RBPJ: variants seen among roughly 807,000 people sequenced by gnomAD.
RBPJ encodes the protein recombining binding protein suppressor of hairless.
Under a neutral mutation model 67.8 loss-of-function variants are expected in RBPJ, and 9 were observed. The ratio of observed to expected loss-of-function variants is 0.13; its 90% CI spans 0.08 to 0.23. RBPJ has a LOEUF of 0.23. Among genes scored for constraint, RBPJ ranks in the 10% least tolerant of loss-of-function variants. The pLI is 1.00. For missense variants in RBPJ, 305 were observed against 595.6 expected (o/e 0.51, Z 5.08); for synonymous variants, 198 against 203.3 (o/e 0.97, Z 0.22).
At chr4:26,383,231 CA>C (rs1487245105) in intron 1 of RBPJ, among the ~76,000 whole-genome samples, 1 of 151,634 alleles carries the variant, frequency 6.6e-6, no homozygotes, top group African/African-American at 2.4e-5. Flanking sequence ...TGGGCATTTC[CA>C]AAAAAGGACT....
chr4:26,176,253 AT>A (rs1332915665), intron 1 of RBPJ, among the ~76,000 whole-genome samples: 5 of 152,196 alleles, frequency 3.3e-5, no homozygotes, highest in Non-Finnish European at 1.5e-5. Context: ...TGGCTCTATT[AT>A]TCCTATTTCA....
At chr4:26,219,596 CTT>C (rs1345633999) in intron 1 of RBPJ, among the ~76,000 whole-genome samples, 3 of 152,202 alleles carry the variant, frequency 2.0e-5, no homozygotes, top group Admixed American at 6.5e-5. Flanking sequence ...AACGTGAACT[CTT>C]TGTGTAGCAA....
chr4:26,255,312 G>A (rs1720275498), intron 1 of RBPJ, among the ~76,000 whole-genome samples: 2 of 128,290 alleles, frequency 1.6e-5, no homozygotes, highest in South Asian at 2.6e-4. Flanking sequence ...GCTGAGGCAG[G>A]AGAATGGCGT....
In RBPJ at chr4:26,180,413, G is replaced by T. The variant is rs138329065; in HGVS notation, c.-167+16799G>T. Among the ~76,000 whole-genome samples, 537 of 152,022 alleles carry T rather than the reference G, an allele frequency of 3.5e-3. 9 individuals are homozygous for T. The highest frequency in any genetic ancestry group is 0.012 in the African/African-American group (512 of 41,494). ...CTGTTATAACAAAATACCATAAACT[G>T]AGTGTTTGTAAACATCAGAATCTAT... On this transcript the variant is annotated intron_variant, in intron 1 of 4. Transcript: ENST00000512351.
At position 26,376,361 on chromosome 4, in the gene RBPJ, T is replaced by C. The variant is rs28493094; in HGVS notation, c.21-9992T>C. ...AATTTGACTACTCTAGGACCTCATA[T>C]AAGTGGAATCATATAATATTTGTCC... On this transcript the variant is annotated intron_variant, in intron 1 of 10. Transcript: ENST00000355476. Among the ~76,000 whole-genome samples the C allele has an allele frequency of 1.8e-3, 278 of 152,370 alleles. 1 individual carries two copies. Among genetic ancestry groups the C allele is most frequent in the African/African-American group, 6.0e-3 (250 of 41,590 alleles).
chr4:26,428,091 AT>A (rs1735865964), intron 7 of RBPJ, among the ~76,000 whole-genome samples: 2 of 152,184 alleles, frequency 1.3e-5, no homozygotes, highest in Admixed American at 6.5e-5. Flanking sequence ...ATTTTGAGCA[AT>A]TTGTCTGACC....
At chr4:26,142,207 C>T in the RBPJ span, among the ~76,000 whole-genome samples, 5 of 152,212 alleles carry the variant, frequency 3.3e-5, no homozygotes, top group Non-Finnish European at 7.3e-5. Flanking sequence ...CTTGAATCTT[C>T]TGTTCATCTG....
At chr4:26,225,596 A>G (rs1309267906) in intron 1 of RBPJ, among the ~76,000 whole-genome samples, 1 of 152,168 alleles carries the variant, frequency 6.6e-6, no homozygotes, top group Admixed American at 6.5e-5. Flanking sequence ...GATGTAAACT[A>G]TGGACTTTAG....
At chr4:26,126,306 T>C in the RBPJ span, among the ~76,000 whole-genome samples, 1 of 151,526 alleles carries the variant, frequency 6.6e-6, no homozygotes, top group Non-Finnish European at 1.5e-5. Flanking sequence ...TCTGTTGTTT[T>C]TTGGCTTCCC....
intron 3 of RBPJ, among the ~76,000 whole-genome samples, chr4:26,407,654 G>A (rs776577021): frequency 6.6e-6 from 1 of 152,056 alleles, no homozygotes; most frequent in East Asian, 1.9e-4. Flanking sequence ...GGCTAGAAAG[G>A]TACCCAACTG....
At chr4:26,163,538 A>G (rs528204832) in exon 1 of RBPJ, 1 of 152,252 alleles carries the variant, frequency 6.6e-6, no homozygotes, top group South Asian at 2.1e-4. Context: ...ACGGCATTTC[A>G]TGACTGAGCC....
At chr4:26,140,834 C>CAAATAAT in the RBPJ span, among the ~76,000 whole-genome samples, 1 of 138,468 alleles carries the variant, frequency 7.2e-6, no homozygotes, top group East Asian at 2.1e-4. Context: ...GACCCTTCCA[C>CAAATAAT]AAATAAATAA....
intron 1 of RBPJ, among the ~76,000 whole-genome samples, chr4:26,327,907 C>T (rs990087406): frequency 6.6e-5 from 10 of 152,052 alleles, no homozygotes; most frequent in Non-Finnish European, 1.3e-4. Context: ...TATAGAAGTA[C>T]AGTATTGCTT....
chr4:26,360,975 T>G (rs1171127669), intron 1 of RBPJ, among the ~76,000 whole-genome samples: 1 of 150,452 alleles, frequency 6.6e-6, no homozygotes, highest in Non-Finnish European at 1.5e-5. Flanking sequence ...AATAAAGATT[T>G]GTAGTTCTGT....
At chr4:26,353,204 A>G (rs1726986394) in intron 1 of RBPJ, among the ~76,000 whole-genome samples, 1 of 152,232 alleles carries the variant, frequency 6.6e-6, no homozygotes, top group Non-Finnish European at 1.5e-5. Context: ...AAACATTAAT[A>G]TGCTAGGAAA....
chr4:26,184,347 A>G (rs1203261544), intron 1 of RBPJ, among the ~76,000 whole-genome samples: 2 of 152,082 alleles, frequency 1.3e-5, no homozygotes, highest in African/African-American at 4.8e-5. Flanking sequence ...CTCCGACTGT[A>G]ACAGCAAGCA....
intron 1 of RBPJ, among the ~76,000 whole-genome samples, chr4:26,214,714 A>AAGGAGG (rs768378086): frequency 1.0e-5 from 1 of 97,274 alleles, no homozygotes; most frequent in Non-Finnish European, 2.2e-5. Flanking sequence ...GGAAGGAAGG[A>AAGGAGG]GAGAGAGAGA....
chr4:26,341,681 T>C (rs1290717187), intron 1 of RBPJ, among the ~76,000 whole-genome samples: 2 of 151,318 alleles, frequency 1.3e-5, no homozygotes, highest in African/African-American at 2.4e-5. Context: ...GACCACTACA[T>C]TTAGCTGCGT....
At chr4:26,157,804 C>G in the RBPJ span, among the ~76,000 whole-genome samples, 1 of 152,170 alleles carries the variant, frequency 6.6e-6, no homozygotes, top group Admixed American at 6.5e-5. Context: ...CCTGAGACCA[C>G]AATGTAAGCT....
Sources: allele counts gnomAD v4.1 joint callset (sites outside exome capture counted in the v4.1 genomes callset), GRCh38; gene constraint gnomAD v4.1.1; transcripts MANE v1.5; gene names NCBI Gene and HGNC (gene_info 2026-07-23, HGNC 2026-07-21).